Variants in FRMD5 observed in about 807,000 individuals in gnomAD.
The protein encoded by FRMD5 is FERM domain containing 5.
FRMD5 carries 20 observed loss-of-function variants against 69.0 expected under a neutral mutation model. That is an observed-to-expected ratio of 0.29 (90% confidence interval 0.20 to 0.42). FRMD5 has a LOEUF of 0.42. Ranked by LOEUF, FRMD5 falls within the 10% of genes least tolerant of loss-of-function variation. The pLI, the probability that FRMD5 is intolerant of heterozygous loss-of-function variation, is 1.00. For synonymous variants in FRMD5, 271 were observed against 260.1 expected, an observed-to-expected ratio of 1.04 and a Z score of -0.40; for missense variants, 595 against 708.6, an observed-to-expected ratio of 0.84 and a Z score of 1.82.
intron 1 of FRMD5, among the ~76,000 whole-genome samples, chr15:44,034,436 T>C (rs928885575): frequency 6.6e-6 from 1 of 152,226 alleles, no homozygotes; most frequent in African/African-American, 2.4e-5. Context: ...GGTCTACACT[T>C]GGGTTCACGG....
At chr15:44,178,222 G>A in intron 1 of FRMD5, among the ~76,000 whole-genome samples, 1 of 152,118 alleles carries the variant, frequency 6.6e-6, no homozygotes, top group East Asian at 1.9e-4. Context: ...TACTTGAGAG[G>A]CTCACACAAG....
intron 1 of FRMD5, among the ~76,000 whole-genome samples, chr15:44,154,576 T>C (rs902996452): frequency 5.3e-5 from 8 of 152,220 alleles, no homozygotes; most frequent in African/African-American, 1.9e-4. Context: ...GGAAACTGCT[T>C]GGTAGATACT....
intron 1 of FRMD5, among the ~76,000 whole-genome samples, chr15:44,086,111 A>G (rs1351252485): frequency 1.3e-5 from 2 of 152,210 alleles, no homozygotes; most frequent in African/African-American, 4.8e-5. Context: ...AATAATATCC[A>G]TATGTGTTAT....
intron 1 of FRMD5, among the ~76,000 whole-genome samples, chr15:44,033,347 G>C (rs370976087): frequency 6.6e-6 from 1 of 151,864 alleles, no homozygotes; most frequent in African/African-American, 2.4e-5. Context: ...TGTAACACAT[G>C]TTTACATATG....
intron 1 of FRMD5, among the ~76,000 whole-genome samples, chr15:44,109,311 C>T (rs1212932467): frequency 6.6e-6 from 1 of 151,902 alleles, no homozygotes; most frequent in Non-Finnish European, 1.5e-5. Flanking sequence ...TAAAATTTAC[C>T]ATTTTTCTCC....
Position 43,915,397 on chromosome 15 carries a change from C to CT in FRMD5, c.329+4061dup, listed in dbSNP as rs1307686442. On this transcript the variant is annotated intron_variant, in intron 4 of 13. Transcript: ENST00000417257. ...CTAAGCTAGGCTCAAGCGATGTTCA[C>CT]TGAAGGCACAGTGGCCTGGTGACTC... Among the ~76,000 whole-genome samples, 4 of 152,202 alleles carry CT rather than the reference C, an allele frequency of 2.6e-5. No individual in the cohort carries two copies. In the East Asian group the frequency reaches 7.7e-4, roughly 29 times the overall value.
chr15:44,020,589 C>T (rs28529668), intron 1 of FRMD5, among the ~76,000 whole-genome samples: 11,009 of 152,158 alleles, frequency 0.072, 611 homozygotes, highest in African/African-American at 0.15. Flanking sequence ...AAAAACTGTA[C>T]GTTGGAGCTT....
At chr15:43,877,504 A>C (rs1595470773) in intron 13 of FRMD5, among the ~76,000 whole-genome samples, 1 of 152,214 alleles carries the variant, frequency 6.6e-6, no homozygotes, top group Non-Finnish European at 1.5e-5. Context: ...GTCTTGGCAC[A>C]GGCACAGTTA....
At chr15:43,880,817 C>T (rs1021734412) in intron 13 of FRMD5, among the ~76,000 whole-genome samples, 3 of 152,226 alleles carry the variant, frequency 2.0e-5, no homozygotes, top group African/African-American at 7.2e-5. Context: ...CTATACTCCT[C>T]AGCAGCCTCT....
At chr15:44,038,472 T>C (rs953590403) in intron 1 of FRMD5, among the ~76,000 whole-genome samples, 7 of 140,012 alleles carry the variant, frequency 5.0e-5, no homozygotes, top group Non-Finnish European at 1.1e-4. Context: ...TTGTATAAGG[T>C]GTAAGGAAGG....
At chr15:43,993,097 C>T (rs138960058) in intron 1 of FRMD5, among the ~76,000 whole-genome samples, 9 of 152,194 alleles carry the variant, frequency 5.9e-5, no homozygotes, top group African/African-American at 1.9e-4. Context: ...TAGTTTCATA[C>T]TTTGGTGGGC....
At chr15:44,095,868 TC>T (rs2076543918) in intron 1 of FRMD5, among the ~76,000 whole-genome samples, 1 of 152,078 alleles carries the variant, frequency 6.6e-6, no homozygotes, top group Non-Finnish European at 1.5e-5. Context: ...AAAGCCCACT[TC>T]CATCCTTAAC....
At chr15:44,051,549 C>G (rs557792215) in intron 1 of FRMD5, among the ~76,000 whole-genome samples, 2 of 151,766 alleles carry the variant, frequency 1.3e-5, no homozygotes, top group Non-Finnish European at 2.9e-5. Context: ...TCACAATAAC[C>G]AATATTATTA....
At chr15:44,009,879 AAAGT>A (rs2140207029) in intron 1 of FRMD5, among the ~76,000 whole-genome samples, 2 of 152,262 alleles carry the variant, frequency 1.3e-5, no homozygotes, top group African/African-American at 4.8e-5. Flanking sequence ...TCAGCTTATA[AAAGT>A]AAGAATGGAG....
intron 5 of FRMD5, among the ~76,000 whole-genome samples, chr15:43,909,182 G>A (rs1478521171): frequency 1.3e-5 from 2 of 151,918 alleles, no homozygotes; most frequent in Non-Finnish European, 2.9e-5. Context: ...ATCACCTGAG[G>A]TCAGGGGTTC....
intron 1 of FRMD5, among the ~76,000 whole-genome samples, chr15:44,030,579 C>A (rs1891635718): frequency 6.6e-6 from 1 of 152,098 alleles, no homozygotes; most frequent in African/African-American, 2.4e-5. Context: ...GAAACAAAAC[C>A]CTATGCTAGG....
chr15:43,923,038 T>C (rs569786519), intron 2 of FRMD5, among the ~76,000 whole-genome samples: 31 of 152,262 alleles, frequency 2.0e-4, no homozygotes, highest in Admixed American at 1.6e-3. Flanking sequence ...TCTACTTTGG[T>C]GGGGATGCCA....
intron 1 of FRMD5, among the ~76,000 whole-genome samples, chr15:44,103,983 A>G (rs1415353343): frequency 1.3e-5 from 2 of 152,244 alleles, no homozygotes; most frequent in Admixed American, 6.5e-5. Flanking sequence ...TGTACAGTAA[A>G]TAACACTTGA....
intron 1 of FRMD5, among the ~76,000 whole-genome samples, chr15:44,148,409 C>T (rs1461096554): frequency 3.3e-5 from 5 of 151,708 alleles, no homozygotes; most frequent in Non-Finnish European, 5.9e-5. Context: ...GTAGCTGGGA[C>T]TACAGGCGCC....
Sources: allele counts gnomAD v4.1 joint callset (sites outside exome capture counted in the v4.1 genomes callset), GRCh38; gene constraint gnomAD v4.1.1; transcripts MANE v1.5; gene names NCBI Gene and HGNC (gene_info 2026-07-23, HGNC 2026-07-21).